Variants in ETV6 observed in about 807,000 individuals in gnomAD.
The protein encoded by ETV6 is transcription factor ETV6.
Under a neutral mutation model 51.1 loss-of-function variants are expected in ETV6, and 16 were observed. That is an observed-to-expected ratio of 0.31 (90% CI 0.21 to 0.48). The LOEUF is 0.48. Ranked by LOEUF, ETV6 falls within the 20% of genes least tolerant of loss-of-function variation. The probability of loss-of-function intolerance (pLI) is 0.99; values close to 1 mark genes in which losing one functional copy is unlikely to be tolerated. For synonymous variants in ETV6, 240 were observed against 224.1 expected (o/e 1.07, Z -0.64); for missense variants, 458 against 594.8 (o/e 0.77, Z 2.39).
chr12:11,853,629 T>G lies in ETV6; in HGVS notation c.463+68T>G, dbSNP rs1277496080. The G allele has an allele frequency of 2.6e-6, 4 of 1,564,056 alleles. No homozygotes were observed. In the African/African-American group the frequency reaches 5.5e-5, roughly 21 times the overall value. On this transcript the variant is annotated intron_variant, in intron 4 of 7. Coordinates refer to ENST00000396373, the MANE Select transcript of ETV6 (RefSeq NM_001987.5). ...AATCCAGGAAGTTTAATTGTTAACT[T>G]GATAAGCTGGTCTTCTTCGTGTAAG...
intron 5 of ETV6, among the ~76,000 whole-genome samples, chr12:11,878,654 TC>T (rs1040063678): frequency 6.6e-6 from 1 of 151,544 alleles, no homozygotes; most frequent in Non-Finnish European, 1.5e-5. Flanking sequence ...CACTTCTCCC[TC>T]CCCCAGCGTG....
At chr12:11,650,393 C>G (rs1025282838) in intron 1 of ETV6, among the ~76,000 whole-genome samples, 4 of 118,374 alleles carry the variant, frequency 3.4e-5, no homozygotes, top group African/African-American at 1.1e-4. Flanking sequence ...CACCCCCTTG[C>G]TTTTTGACAA....
chr12:11,730,478 T>G (rs1383148138), intron 1 of ETV6, among the ~76,000 whole-genome samples: 1 of 152,176 alleles, frequency 6.6e-6, no homozygotes, highest in Non-Finnish European at 1.5e-5. Flanking sequence ...CTCAGAGAGC[T>G]CCAAGGAAGC....
intron 3 of ETV6, among the ~76,000 whole-genome samples, chr12:11,847,731 G>T (rs187096226): frequency 6.6e-6 from 1 of 152,326 alleles, no homozygotes; most frequent in African/African-American, 2.4e-5. Flanking sequence ...AGAATGGAAG[G>T]TGAGGAAGTG....
At position 11,884,606 on chromosome 12, in the gene ETV6, T is replaced by G; in HGVS notation, c.1152+19T>G. On this transcript the variant is annotated intron_variant, in intron 6 of 7. Transcript: ENST00000396373. ...CCATAAGGTAAAAGGGCAGCAGATATCTGCTCCATAAACTAGTGCCAAAAT... is the reference window on the plus strand; with the variant it reads ...CCATAAGGTAAAAGGGCAGCAGATAGCTGCTCCATAAACTAGTGCCAAAAT... The G allele has an allele frequency of 1.9e-6, 3 of 1,613,696 alleles. No homozygotes were observed. Among genetic ancestry groups the G allele is most frequent in the Non-Finnish European group, 2.5e-6 (3 of 1,179,872 alleles).
intron 2 of ETV6, among the ~76,000 whole-genome samples, chr12:11,792,271 A>T (rs1420318598): frequency 6.6e-6 from 1 of 152,124 alleles, no homozygotes; most frequent in Non-Finnish European, 1.5e-5. Flanking sequence ...GCTGGTGTGG[A>T]TGTGCATTTT....
At chr12:11,860,772 C>G (rs1284924004) in intron 4 of ETV6, among the ~76,000 whole-genome samples, 1 of 152,068 alleles carries the variant, frequency 6.6e-6, no homozygotes, top group Non-Finnish European at 1.5e-5. Flanking sequence ...AGGTGTACTT[C>G]AGTAGTGGTA....
chr12:11,818,589 A>C (rs1379600994), intron 2 of ETV6, among the ~76,000 whole-genome samples: 4 of 151,588 alleles, frequency 2.6e-5, no homozygotes, highest in Non-Finnish European at 5.9e-5. Context: ...CTCTGGGCAC[A>C]CTGTATGTTC....
intron 4 of ETV6, among the ~76,000 whole-genome samples, chr12:11,859,174 C>T (rs973427847): frequency 2.7e-5 from 3 of 111,032 alleles, no homozygotes; most frequent in African/African-American, 1.1e-4. Context: ...AGGAGTCTTG[C>T]TCTGTCGCCC....
intron 1 of ETV6, among the ~76,000 whole-genome samples, chr12:11,727,778 C>T (rs1030806046): frequency 2.0e-5 from 3 of 152,146 alleles, no homozygotes; most frequent in Non-Finnish European, 4.4e-5. Context: ...CAGGAGACCC[C>T]GCGGAGAAAG....
intron 2 of ETV6, among the ~76,000 whole-genome samples, chr12:11,772,156 G>T (rs1490194774): frequency 6.6e-6 from 1 of 152,220 alleles, no homozygotes; most frequent in South Asian, 2.1e-4. Flanking sequence ...ATTCATCTCT[G>T]TTAAAGCTTA....
chr12:11,867,577 C>T (rs949260320), intron 4 of ETV6, among the ~76,000 whole-genome samples: 25 of 151,984 alleles, frequency 1.6e-4, no homozygotes, highest in African/African-American at 5.5e-4. Flanking sequence ...GTAGAACTTT[C>T]AAAAAAGAAA....
At chr12:11,884,700 T>A in intron 6 of ETV6, 113 bp downstream of exon 6, 1 of 1,328,802 alleles carries the variant, frequency 7.5e-7, no homozygotes, top group Non-Finnish European at 1.0e-6. Context: ...CATACTTATT[T>A]AGTTTATTCC....
chr12:11,754,755 C>CAAA (rs1178475906), intron 2 of ETV6, among the ~76,000 whole-genome samples: 1 of 152,228 alleles, frequency 6.6e-6, no homozygotes, highest in Non-Finnish European at 1.5e-5. Flanking sequence ...CGTGTCTGTG[C>CAAA]TGCTTACCAG....
chr12:11,894,511 G>C lies in ETV6; in HGVS notation c.*3465G>C, dbSNP rs1010197450. On this transcript the variant is annotated 3_prime_UTR_variant, in exon 8 of 8. Transcript: ENST00000396373. ...AGATGAGGGTATCCCCACAGAAAAAGAGGAATAATAGACCAATGGATTTTC... is the reference window on the plus strand; with the variant it reads ...AGATGAGGGTATCCCCACAGAAAAACAGGAATAATAGACCAATGGATTTTC... The C allele has an allele frequency of 4.3e-6, 1 of 233,184 alleles. No individual in the cohort carries two copies. Among genetic ancestry groups the C allele is most frequent in the Non-Finnish European group, 8.5e-6 (1 of 118,042 alleles). 14.4% of individuals were successfully genotyped at this position (233,184 alleles called of 1,614,324 possible).
chr12:11,671,072 A>ACCT (rs1864303951), intron 1 of ETV6, among the ~76,000 whole-genome samples: 1 of 151,628 alleles, frequency 6.6e-6, no homozygotes. Context: ...CTAGACAGGG[A>ACCT]CCTCCTCCTC....
intron 4 of ETV6, among the ~76,000 whole-genome samples, chr12:11,857,547 T>C (rs1289228009): frequency 6.6e-6 from 1 of 152,208 alleles, no homozygotes; most frequent in Non-Finnish European, 1.5e-5. Flanking sequence ...TTTTATATAA[T>C]TAGGTTAACC....
intron 2 of ETV6, among the ~76,000 whole-genome samples, chr12:11,812,885 C>G (rs1016315487): frequency 6.6e-6 from 1 of 152,164 alleles, no homozygotes; most frequent in Non-Finnish European, 1.5e-5. Context: ...GCATGGAGAC[C>G]CCGGCTGGTC....
At chr12:11,797,139 T>C (rs1945691289) in intron 2 of ETV6, among the ~76,000 whole-genome samples, 1 of 152,242 alleles carries the variant, frequency 6.6e-6, no homozygotes, top group South Asian at 2.1e-4. Context: ...ATGATGTCCC[T>C]AACAGATCTA....
Sources: allele counts gnomAD v4.1 joint callset (sites outside exome capture counted in the v4.1 genomes callset), GRCh38; gene constraint gnomAD v4.1.1; transcripts MANE v1.5; gene names NCBI Gene and HGNC (gene_info 2026-07-23, HGNC 2026-07-21).